MORC1: variants seen among roughly 807,000 people sequenced by gnomAD.
MORC1 encodes MORC family CW-type zinc finger protein 1.
Under a neutral mutation model 134.9 loss-of-function variants are expected in MORC1, and 59 were observed. The observed-to-expected ratio is 0.44, with a 90% CI of 0.35 to 0.54. MORC1 has a LOEUF of 0.54. Among genes scored for constraint, MORC1 ranks in the 20% least tolerant of loss-of-function variants. The probability of loss-of-function intolerance (pLI) is 0.00; values close to 1 mark genes in which losing one functional copy is unlikely to be tolerated. For synonymous variants in MORC1, 395 were observed against 391.7 expected (o/e 1.01, Z -0.10); for missense variants, 947 against 1,134.5 (o/e 0.83, Z 2.37).
rs745663923 is a variant in MORC1, at chr3:108,958,714, G to C, written c.*251C>G. ...TTTTCAGTAGCTCACATGAAAATTA[G>C]AGAACTCTAGATATTATTAATATTT... On this transcript the variant is annotated 3_prime_UTR_variant, in exon 28 of 28. Coordinates refer to ENST00000232603, the MANE Select transcript of MORC1 (RefSeq NM_014429.4). 2.0e-5 allele frequency: 4 copies of C among 196,036 alleles called. No individual in the cohort carries two copies. Among genetic ancestry groups the C allele is most frequent in the Non-Finnish European group, 4.1e-5 (4 of 97,546 alleles). 12.1% of individuals were successfully genotyped at this position (196,036 alleles called of 1,614,324 possible).
At chr3:109,081,498 C>G (rs1051876323) in intron 8 of MORC1, among the ~76,000 whole-genome samples, 3 of 147,466 alleles carry the variant, frequency 2.0e-5, no homozygotes, top group Non-Finnish European at 4.4e-5. Flanking sequence ...CTCTGTCACC[C>G]AAGCTGGAGT....
intron 12 of MORC1, among the ~76,000 whole-genome samples, chr3:109,059,533 T>C (rs995358130): frequency 2.0e-5 from 3 of 152,180 alleles, no homozygotes; most frequent in Non-Finnish European, 4.4e-5. Flanking sequence ...CATTTTCATC[T>C]AGCCCAATTA....
intron 17 of MORC1, among the ~76,000 whole-genome samples, chr3:109,014,388 T>A (rs971693821): frequency 2.0e-5 from 3 of 152,246 alleles, no homozygotes; most frequent in African/African-American, 7.2e-5. Context: ...GATAAACAGA[T>A]GCTTCTAGAG....
At chr3:108,977,875 T>C (rs1204801452) in intron 24 of MORC1, among the ~76,000 whole-genome samples, 4 of 152,146 alleles carry the variant, frequency 2.6e-5, no homozygotes, top group African/African-American at 4.8e-5. Context: ...ATCTAGATCA[T>C]TGGATAAGTG....
chr3:109,083,300 T>C (rs1159180414), intron 8 of MORC1, among the ~76,000 whole-genome samples: 1 of 122,494 alleles, frequency 8.2e-6, no homozygotes, highest in African/African-American at 3.1e-5. Flanking sequence ...AAAAACAAAA[T>C]ACTAAGGTAA....
intron 2 of MORC1, among the ~76,000 whole-genome samples, chr3:109,113,548 G>A (rs992790828): frequency 1.3e-5 from 2 of 152,016 alleles, no homozygotes; most frequent in Admixed American, 6.6e-5. Flanking sequence ...TGAGATCCTT[G>A]ATCTAACAAC....
chr3:109,032,872 C>G (rs1269672556), intron 15 of MORC1, 47 bp from the exon 16 acceptor site: 2 of 1,225,548 alleles, frequency 1.6e-6, no homozygotes, highest in Admixed American at 3.8e-5. Context: ...AGAAATGAAT[C>G]TATCATAGTA....
intron 17 of MORC1, among the ~76,000 whole-genome samples, chr3:109,016,779 G>C (rs1359367416): frequency 6.6e-6 from 1 of 152,092 alleles, no homozygotes; most frequent in East Asian, 1.9e-4. Context: ...CAGGAGAATC[G>C]CTTAAATCCT....
At chr3:109,033,164 C>A (rs1025098913) in intron 15 of MORC1, among the ~76,000 whole-genome samples, 1 of 152,082 alleles carries the variant, frequency 6.6e-6, no homozygotes, top group African/African-American at 2.4e-5. Context: ...CTCTGACCTA[C>A]TACCTGTCTG....
chr3:108,969,618 C>T lies in MORC1; in HGVS notation c.2604+51G>A, dbSNP rs551304725. 40 of 1,518,594 alleles carry T rather than the reference C, an allele frequency of 2.6e-5. No individual in the cohort carries two copies. The East Asian group carries it at 3.8e-4, about 15-fold the overall frequency. 94.1% of individuals were successfully genotyped at this position (1,518,594 alleles called of 1,614,324 possible). A position where few individuals can be genotyped will look rare whatever the true frequency, so the allele number is the denominator to read the frequency against. ...TGGAAATGTACATTATTTATCCTTT[C>T]GAACACAGGATCATTTAGAATATAA... On this transcript the variant is annotated intron_variant, in intron 26 of 27. Coordinates refer to ENST00000232603, the MANE Select transcript of MORC1 (RefSeq NM_014429.4).
At chr3:108,972,422 A>G (rs566989257) in intron 24 of MORC1, among the ~76,000 whole-genome samples, 10 of 152,182 alleles carry the variant, frequency 6.6e-5, no homozygotes, top group Non-Finnish European at 1.2e-4. Context: ...TATTCCCCAT[A>G]CTTTAAGTAT....
rs868186694 is a variant in MORC1 at position 108,993,908 on chromosome 3, C to G, written c.2187+6649G>C. ...TATAGTTGTTTTTCATTTGTTTTGG[C>G]CACCATAAAACATAAACCTAGACAC... On this transcript the variant is annotated intron_variant, in intron 21 of 27. Coordinates refer to ENST00000232603, the MANE Select transcript of MORC1 (RefSeq NM_014429.4). Among the ~76,000 whole-genome samples, 22 of 152,168 alleles carry G rather than the reference C, an allele frequency of 1.4e-4. No homozygotes were observed. The Middle Eastern group carries it at 0.014, about 94-fold the overall frequency.
At position 109,009,698 on chromosome 3, in the gene MORC1, T is replaced by C. The variant is rs533960940; in HGVS notation, c.1705-2607A>G. 4.6e-5 allele frequency among the ~76,000 whole-genome samples: 7 copies of C among 152,286 alleles called. No homozygotes were observed. In the East Asian group the frequency reaches 1.2e-3, roughly 25 times the overall value. On this transcript the variant is annotated intron_variant, in intron 17 of 27. Transcript: ENST00000232603. ...GTCCCTATAGGTGACTTGATGTTTA[T>C]ACCTCTTGGTCAAAGGAATCTATAT...
chr3:109,075,072 C>T lies in MORC1; in HGVS notation c.690-5315G>A, dbSNP rs924511637. ...AGAACTGAATTCAAAGATCTGATGT[C>T]CATGTTTTCTAGTTCTATACATACG... On this transcript the variant is annotated intron_variant, in intron 8 of 27. Coordinates refer to ENST00000232603, the MANE Select transcript of MORC1 (RefSeq NM_014429.4). 7.9e-5 allele frequency among the ~76,000 whole-genome samples: 12 copies of T among 152,136 alleles called. No individual in the cohort carries two copies. The East Asian group carries it at 2.1e-3, about 27-fold the overall frequency.
chr3:109,116,772 C>G (rs1055740922), intron 1 of MORC1, among the ~76,000 whole-genome samples: 1 of 152,120 alleles, frequency 6.6e-6, no homozygotes, highest in Non-Finnish European at 1.5e-5. Flanking sequence ...AGAGCAAGAC[C>G]CTGTCTCCAA....
intron 21 of MORC1, among the ~76,000 whole-genome samples, chr3:108,994,121 A>C (rs985253186): frequency 6.6e-6 from 1 of 152,190 alleles, no homozygotes; most frequent in East Asian, 1.9e-4. Context: ...GTTCTGAGAC[A>C]GGAAGATGGT....
intron 16 of MORC1, among the ~76,000 whole-genome samples, chr3:109,030,188 T>C (rs1465881221): frequency 6.6e-6 from 1 of 152,196 alleles, no homozygotes; most frequent in African/African-American, 2.4e-5. Context: ...CATTACTCCG[T>C]CCTGCTACTC....
chr3:108,988,399 AT>A (rs1947953017), intron 21 of MORC1, among the ~76,000 whole-genome samples: 1 of 152,188 alleles, frequency 6.6e-6, no homozygotes, highest in South Asian at 2.1e-4. Context: ...ATAAACATGC[AT>A]ATTTTTAAAG....
intron 8 of MORC1, among the ~76,000 whole-genome samples, chr3:109,090,877 T>TA (rs1317713071): frequency 8.5e-5 from 13 of 152,072 alleles, no homozygotes; most frequent in African/African-American, 2.9e-4. Context: ...GATAAGGGGA[T>TA]ACAATAATCA....
Sources: gnomAD v4.1 joint callset for allele counts (sites outside exome capture counted in the v4.1 genomes callset) on GRCh38, gnomAD v4.1.1 for gene constraint, MANE v1.5 for transcripts, NCBI Gene and HGNC (gene_info 2026-07-23, HGNC 2026-07-21) for gene names.